PIP4K2A: variants seen among roughly 807,000 people sequenced by gnomAD.
PIP4K2A encodes the protein phosphatidylinositol 5-phosphate 4-kinase type-2 alpha.
In PIP4K2A, 14 loss-of-function variants were observed where a neutral mutation model predicts 42.9. That is an observed-to-expected ratio of 0.33 (90% CI 0.22 to 0.51). The LOEUF (loss-of-function observed/expected upper bound fraction) is 0.51, where lower values mean the gene tolerates loss of function less well. Among genes scored for constraint, PIP4K2A ranks in the 20% least tolerant of loss-of-function variants. The pLI, the probability that PIP4K2A is intolerant of heterozygous loss-of-function variation, is 0.97. For synonymous variants in PIP4K2A, 192 were observed against 192.2 expected, an observed-to-expected ratio of 1.00 and a Z score of 0.01; for missense variants, 434 against 519.8, an observed-to-expected ratio of 0.83 and a Z score of 1.61.
chr10:22,587,241 A>T lies in PIP4K2A; in HGVS notation c.492+4388T>A, dbSNP rs114051489. On this transcript the variant is annotated intron_variant, in intron 4 of 9. Transcript: ENST00000376573. ...AAAACAAAAAACAACAAAGGAAAAG[A>T]AAAAAAAAAGGGCTGTTGGGTAACC... is the stretch of plus-strand genomic sequence containing the variant. 9.0e-3 allele frequency among the ~76,000 whole-genome samples: 1,344 copies of T among 149,860 alleles called. 22 individuals are homozygous for T. Among genetic ancestry groups the T allele is most frequent in the African/African-American group, 0.031 (1,258 of 40,878 alleles).
intron 4 of PIP4K2A, among the ~76,000 whole-genome samples, chr10:22,579,035 G>A (rs1042067403): frequency 1.3e-5 from 2 of 151,966 alleles, no homozygotes; most frequent in South Asian, 2.1e-4. Flanking sequence ...TTTTTCTCAC[G>A]ATGGCCACGA....
chr10:22,597,561 T>A (rs1020344147), intron 3 of PIP4K2A, among the ~76,000 whole-genome samples: 1 of 152,064 alleles, frequency 6.6e-6, no homozygotes, highest in Non-Finnish European at 1.5e-5. Flanking sequence ...AATGCCAAAG[T>A]TGAAAGGAGC....
chr10:22,645,963 C>A (rs1240688609), intron 1 of PIP4K2A, among the ~76,000 whole-genome samples: 1 of 152,132 alleles, frequency 6.6e-6, no homozygotes, highest in Non-Finnish European at 1.5e-5. Context: ...CTCAAGAGAT[C>A]CACCGATCTT....
At chr10:22,601,552 C>A (rs573199253) in intron 3 of PIP4K2A, among the ~76,000 whole-genome samples, 21 of 152,144 alleles carry the variant, frequency 1.4e-4, no homozygotes, top group Non-Finnish European at 7.3e-5. Flanking sequence ...CCTGTGAGGA[C>A]AAATGGAGCA....
chr10:22,681,285 C>G (rs1839655867), intron 1 of PIP4K2A, among the ~76,000 whole-genome samples: 1 of 152,198 alleles, frequency 6.6e-6, no homozygotes, highest in Non-Finnish European at 1.5e-5. Context: ...CTAGATCCAG[C>G]TGAAGAGCCC....
chr10:22,675,512 G>A (rs1839539780), intron 1 of PIP4K2A, among the ~76,000 whole-genome samples: 1 of 152,128 alleles, frequency 6.6e-6, no homozygotes, highest in Non-Finnish European at 1.5e-5. Context: ...CTTGAACCCG[G>A]GAGGTGGAGG....
chr10:22,550,632 T>C (rs919347058), intron 7 of PIP4K2A, 27 bp downstream of exon 7: 1 of 1,145,846 alleles, frequency 8.7e-7, no homozygotes, highest in African/African-American at 1.5e-5. Flanking sequence ...ATACAATGAG[T>C]CTGGCCTCTC....
chr10:22,671,158 C>A (rs1322468728), intron 1 of PIP4K2A, among the ~76,000 whole-genome samples: 1 of 151,984 alleles, frequency 6.6e-6, no homozygotes, highest in Non-Finnish European at 1.5e-5. Flanking sequence ...ATATATATAC[C>A]TTTACATATA....
At chr10:22,577,361 C>G (rs535861142) in intron 4 of PIP4K2A, among the ~76,000 whole-genome samples, 1 of 151,952 alleles carries the variant, frequency 6.6e-6, no homozygotes, top group Non-Finnish European at 1.5e-5. Context: ...AGGTGGTGCT[C>G]GGTGGGAGGT....
At chr10:22,611,280 C>CTT (rs2130714132) in intron 1 of PIP4K2A, among the ~76,000 whole-genome samples, 1 of 152,158 alleles carries the variant, frequency 6.6e-6, no homozygotes, top group East Asian at 1.9e-4. Context: ...GTCCCAGCTA[C>CTT]TTAGGAGGCT....
chr10:22,592,164 C>CAA (rs1362994637), intron 3 of PIP4K2A, among the ~76,000 whole-genome samples: 1 of 152,166 alleles, frequency 6.6e-6, no homozygotes, highest in Non-Finnish European at 1.5e-5. Context: ...CCTTATATGA[C>CAA]AGGTATCGTG....
chr10:22,577,534 G>C (rs754358989), intron 4 of PIP4K2A, among the ~76,000 whole-genome samples: 1 of 152,166 alleles, frequency 6.6e-6, no homozygotes, highest in Admixed American at 6.5e-5. Flanking sequence ...TCTCACCAGC[G>C]ACAGATGCTG....
chr10:22,678,829 T>C (rs1478701607), intron 1 of PIP4K2A, among the ~76,000 whole-genome samples: 1 of 152,242 alleles, frequency 6.6e-6, no homozygotes, highest in African/African-American at 2.4e-5. Flanking sequence ...AGGTTATGTC[T>C]ATCAATAGGA....
At chr10:22,706,899 C>T (rs1833833442) in intron 1 of PIP4K2A, among the ~76,000 whole-genome samples, 2 of 151,990 alleles carry the variant, frequency 1.3e-5, no homozygotes, top group East Asian at 1.9e-4. Flanking sequence ...CCAAGAACAA[C>T]GATGATGTTC....
intron 1 of PIP4K2A, among the ~76,000 whole-genome samples, chr10:22,686,392 A>G (rs778370731): frequency 3.3e-5 from 5 of 152,210 alleles, no homozygotes; most frequent in Non-Finnish European, 1.5e-5. Flanking sequence ...TAGGCATCAA[A>G]AAGACTTTTC....
chr10:22,565,734 C>T (rs1473272123), intron 6 of PIP4K2A, among the ~76,000 whole-genome samples: 1 of 152,204 alleles, frequency 6.6e-6, no homozygotes, highest in Non-Finnish European at 1.5e-5. Context: ...CCATATTTCT[C>T]TTCTTTCAAA....
intron 2 of PIP4K2A, 103 bp downstream of exon 2, chr10:22,609,517 A>C: frequency 1.4e-6 from 1 of 715,354 alleles, no homozygotes; most frequent in South Asian, 1.5e-5. Context: ...CATCAGCAAA[A>C]CTTTACTCCC....
intron 1 of PIP4K2A, among the ~76,000 whole-genome samples, chr10:22,614,567 A>T (rs1386642700): frequency 6.6e-6 from 1 of 152,208 alleles, no homozygotes; most frequent in Non-Finnish European, 1.5e-5. Flanking sequence ...ACTTGTAAAC[A>T]AACACTTCAC....
At chr10:22,552,498 G>A (rs979646761) in intron 6 of PIP4K2A, among the ~76,000 whole-genome samples, 2 of 152,094 alleles carry the variant, frequency 1.3e-5, no homozygotes, top group African/African-American at 4.8e-5. Flanking sequence ...ACCTTGAAAT[G>A]TGAAGACAGC....
Sources: allele counts gnomAD v4.1 joint callset (sites outside exome capture counted in the v4.1 genomes callset), GRCh38; gene constraint gnomAD v4.1.1; transcripts MANE v1.5; gene names NCBI Gene and HGNC (gene_info 2026-07-23, HGNC 2026-07-21).